The following SHQ1 variants were observed in gnomAD, a reference collection of about 807,000 sequenced individuals.
SHQ1 encodes protein SHQ1 homolog.
In SHQ1, 49 loss-of-function variants were observed where a neutral mutation model predicts 53.8. That is an observed-to-expected ratio of 0.91 (90% CI 0.72 to 1.16). The LOEUF is 1.16. Among genes scored for constraint, SHQ1 ranks in the 50% most tolerant of loss-of-function variants. The pLI is 0.00. For missense variants in SHQ1, 738 were observed against 683.1 expected, an observed-to-expected ratio of 1.08 and a Z score of -0.90; for synonymous variants, 243 against 251.0, an observed-to-expected ratio of 0.97 and a Z score of 0.30.
the SHQ1 span, among the ~76,000 whole-genome samples, chr3:72,737,772 G>C: frequency 1.2e-4 from 19 of 152,120 alleles, no homozygotes; most frequent in African/African-American, 4.3e-4. Context: ...TATTTTTTCT[G>C]AGTGGTTTTC....
intron 1 of SHQ1, chr3:72,846,159 A>G: frequency 6.7e-7 from 1 of 1,493,484 alleles, no homozygotes. Flanking sequence ...CCCTTCCCCT[A>G]AACTCTATAA....
At chr3:72,819,346 C>A (rs1042854470) in intron 6 of SHQ1, among the ~76,000 whole-genome samples, 1 of 152,094 alleles carries the variant, frequency 6.6e-6, no homozygotes, top group Non-Finnish European at 1.5e-5. Flanking sequence ...TAGATATAAA[C>A]CCTAATCATC....
At chr3:72,831,988 A>G (rs551537926) in intron 5 of SHQ1, among the ~76,000 whole-genome samples, 1 of 152,376 alleles carries the variant, frequency 6.6e-6, no homozygotes, top group East Asian at 1.9e-4. Flanking sequence ...TGGTACAGGT[A>G]CATTTAAATT....
intron 6 of SHQ1, among the ~76,000 whole-genome samples, chr3:72,822,622 C>T (rs2208): frequency 0.31 from 47,777 of 151,988 alleles, 9,053 homozygotes; most frequent in African/African-American, 0.53. Context: ...ATTAAAATAC[C>T]GTGCTAAAAT....
Position 72,749,677 on chromosome 3 carries a change from C to T in SHQ1, c.*607G>A. 4.7e-6 allele frequency: 1 copy of T among 214,344 alleles called. No homozygotes were observed. Among genetic ancestry groups the T allele is most frequent in the Non-Finnish European group, 9.4e-6 (1 of 106,224 alleles). 13.3% of individuals were successfully genotyped at this position (214,344 alleles called of 1,614,324 possible). ...GTTTATTGGGTGTCAAGTACACCTCCTAAAATAAAAATATTGATGGGCTCT... is the reference window on the plus strand; with the variant it reads ...GTTTATTGGGTGTCAAGTACACCTCTTAAAATAAAAATATTGATGGGCTCT... On this transcript the variant is annotated 3_prime_UTR_variant, in exon 11 of 11. Coordinates refer to ENST00000325599, the MANE Select transcript of SHQ1 (RefSeq NM_018130.3).
At position 72,824,627 on chromosome 3, in the gene SHQ1, A is replaced by G. The variant is rs921067866; in HGVS notation, c.600-76T>C. 11 of 1,475,036 alleles carry G rather than the reference A, an allele frequency of 7.5e-6. No homozygotes were observed. The African/African-American group carries it at 8.5e-5, about 11-fold the overall frequency. The allele number at this position is 1,475,036 out of a possible 1,614,324, so 91.4% of individuals were successfully genotyped here. A position where few individuals can be genotyped will look rare whatever the true frequency, so the allele number is the denominator to read the frequency against. ...ACTTTTTAACATTTTATCTTAACTC[A>G]TATTTGTACTAGAAATACAGATTTT... On this transcript the variant is annotated intron_variant, in intron 5 of 10. Coordinates refer to ENST00000325599, the MANE Select transcript of SHQ1 (RefSeq NM_018130.3).
chr3:72,783,837 T>G (rs1706144373), intron 10 of SHQ1, among the ~76,000 whole-genome samples: 1 of 152,158 alleles, frequency 6.6e-6, no homozygotes, highest in Admixed American at 6.5e-5. Context: ...TCATAGCATT[T>G]AAGCTCTTGA....
intron 1 of SHQ1, chr3:72,846,267 T>A: frequency 6.5e-7 from 1 of 1,535,654 alleles, no homozygotes; most frequent in Non-Finnish European, 8.7e-7. Context: ...GACCAGGTTT[T>A]ATTCATCCTT....
chr3:72,755,241 T>C (rs1047821928), intron 10 of SHQ1, among the ~76,000 whole-genome samples: 2 of 151,908 alleles, frequency 1.3e-5, no homozygotes, highest in Non-Finnish European at 2.9e-5. Context: ...ATACAATAAG[T>C]TGATGGATGG....
At chr3:72,777,891 A>G (rs953071533) in intron 10 of SHQ1, among the ~76,000 whole-genome samples, 4 of 152,250 alleles carry the variant, frequency 2.6e-5, no homozygotes, top group Non-Finnish European at 5.9e-5. Flanking sequence ...AACCATCTAC[A>G]ACTCTATGCA....
At chr3:72,761,637 G>A (rs1016904543) in intron 10 of SHQ1, among the ~76,000 whole-genome samples, 1 of 152,158 alleles carries the variant, frequency 6.6e-6, no homozygotes, top group Non-Finnish European at 1.5e-5. Context: ...GTAACTCTGT[G>A]CAGGCTTTCT....
At chr3:72,776,842 G>T (rs1304381921) in intron 10 of SHQ1, among the ~76,000 whole-genome samples, 1 of 152,104 alleles carries the variant, frequency 6.6e-6, no homozygotes, top group Non-Finnish European at 1.5e-5. Context: ...AGAAAGTATG[G>T]CACTCTCGCA....
At position 72,848,312 on chromosome 3, in the gene SHQ1, T is replaced by C; in HGVS notation, c.29A>G (p.Gln10Arg). 6.2e-7 allele frequency: 1 copy of C among 1,614,088 alleles called. No individual in the cohort carries two copies. The highest frequency in any genetic ancestry group is 8.5e-7 in the Non-Finnish European group (1 of 1,180,006). Residue 10 changes from glutamine (Q) to arginine (R), a missense_variant, in exon 1 of 11, where the codon CAG becomes CGG. Transcript: ENST00000325599. MLTPAFDLS[Q>R]DPDFLTIAIR... ...GGCGATAGTCAGGAAGTCCGGATCC[T>C]GGCTGAGGTCGAACGCCGGGGTCAG...
At chr3:72,819,253 A>C (rs1024866768) in intron 6 of SHQ1, among the ~76,000 whole-genome samples, 8 of 152,288 alleles carry the variant, frequency 5.3e-5, no homozygotes, top group South Asian at 4.1e-4. Flanking sequence ...TTGCACTCTT[A>C]TGAGTGACCC....
chr3:72,798,101 T>C (rs1411023667), intron 9 of SHQ1, among the ~76,000 whole-genome samples: 1 of 152,068 alleles, frequency 6.6e-6, no homozygotes, highest in East Asian at 1.9e-4. Context: ...CATAAAAAAA[T>C]GCTAAGGCCT....
At chr3:72,778,219 G>T (rs1705996644) in intron 10 of SHQ1, among the ~76,000 whole-genome samples, 1 of 152,102 alleles carries the variant, frequency 6.6e-6, no homozygotes, top group Non-Finnish European at 1.5e-5. Context: ...GAGCACTTTT[G>T]AGAGGTTGAA....
intron 4 of SHQ1, among the ~76,000 whole-genome samples, chr3:72,837,548 T>C (rs1447392307): frequency 1.3e-5 from 2 of 152,168 alleles, no homozygotes; most frequent in East Asian, 3.8e-4. Context: ...GAAAAAGCTG[T>C]AAAAATACTC....
intron 1 of SHQ1, among the ~76,000 whole-genome samples, chr3:72,847,827 C>T (rs879533849): frequency 3.3e-5 from 5 of 152,056 alleles, no homozygotes; most frequent in Non-Finnish European, 5.9e-5. Flanking sequence ...CAGCGCGCGC[C>T]GTTCCCAGGA....
At chr3:72,779,234 T>C (rs529849554) in intron 10 of SHQ1, among the ~76,000 whole-genome samples, 16 of 152,294 alleles carry the variant, frequency 1.1e-4, no homozygotes, top group Admixed American at 7.9e-4. Flanking sequence ...CTTGACCTTC[T>C]TGCAATTTCT....
Sources: gnomAD v4.1 joint callset for allele counts (sites outside exome capture counted in the v4.1 genomes callset) on GRCh38, gnomAD v4.1.1 for gene constraint, MANE v1.5 for transcripts, NCBI Gene and HGNC (gene_info 2026-07-23, HGNC 2026-07-21) for gene names.